MYO1H: variants seen among roughly 807,000 people sequenced by gnomAD.
The protein encoded by MYO1H is myosin IH.
Under a neutral mutation model 149.3 loss-of-function variants are expected in MYO1H, and 118 were observed. The ratio of observed to expected loss-of-function variants is 0.79; its 90% confidence interval spans 0.68 to 0.92. The LOEUF (loss-of-function observed/expected upper bound fraction) is 0.92. Ranked by LOEUF, MYO1H falls within the 40% of genes least tolerant of loss-of-function variation. The pLI is 0.00. For synonymous variants in MYO1H, 447 were observed against 465.2 expected (o/e 0.96, Z 0.50); for missense variants, 1,212 against 1,280.7 (o/e 0.95, Z 0.82).
chr12:109,409,586 A>G (rs1256801829), exon 11 of MYO1H: 11 of 1,613,682 alleles, frequency 6.8e-6, no homozygotes, highest in African/African-American at 1.3e-5. Flanking sequence ...TAATTGGATT[A>G]CTGGACATCT....
At chr12:109,448,147 A>C (rs915429216) in exon 32 of MYO1H, 2 of 152,244 alleles carry the variant, frequency 1.3e-5, no homozygotes, top group African/African-American at 4.8e-5. Flanking sequence ...TAATATGAGA[A>C]GTGCTTTGGT....
At chr12:109,326,881 C>T in the MYO1H span, among the ~76,000 whole-genome samples, 3 of 152,028 alleles carry the variant, frequency 2.0e-5, no homozygotes, top group Non-Finnish European at 4.4e-5. Flanking sequence ...ATGGGAGGCA[C>T]TATTGTGACC....
intron 31 of MYO1H, chr12:109,446,368 A>T: frequency 2.0e-6 from 2 of 985,448 alleles, no homozygotes; most frequent in Non-Finnish European, 2.4e-6. Context: ...TTTAAAATGT[A>T]TCTTGTATTA....
At chr12:109,322,425 A>G in the MYO1H span, among the ~76,000 whole-genome samples, 1 of 152,192 alleles carries the variant, frequency 6.6e-6, no homozygotes. Flanking sequence ...GTATTAATGC[A>G]TATTGATTTA....
At position 109,443,130 on chromosome 12, in the gene MYO1H, A is replaced by ATGTGTACG. The variant is rs1872270498; in HGVS notation, c.2689-383_2689-382insGTGTACGT. 1.9e-5 allele frequency among the ~76,000 whole-genome samples: 2 copies of ATGTGTACG among 106,842 alleles called. 1 individual carries two copies. The highest frequency in any genetic ancestry group is 3.7e-5 in the Non-Finnish European group (2 of 53,648). 70.1% of individuals were successfully genotyped at this position (106,842 alleles called of 152,430 possible). A position where few individuals can be genotyped will look rare whatever the true frequency, so the allele number is the denominator to read the frequency against. On this transcript the variant is annotated intron_variant, in intron 27 of 31. Transcript: ENST00000310903. ...TATATGTGTGTATATGTGTACGTAT[A>ATGTGTACG]TATGTGTGTATATGTGTACGTATGT...
intron 18 of MYO1H, 78 bp downstream of exon 18, chr12:109,426,129 C>A (rs571869119): frequency 2.8e-5 from 26 of 920,488 alleles, no homozygotes; most frequent in South Asian, 2.5e-4. Context: ...GGGTTGGGAT[C>A]CTAAACACCA....
the MYO1H span, among the ~76,000 whole-genome samples, chr12:109,328,280 C>T: frequency 1.6e-4 from 24 of 151,858 alleles, no homozygotes; most frequent in African/African-American, 5.8e-4. Context: ...GGTACATTCA[C>T]GATGTTGTGC....
rs551230607 is a variant in MYO1H at position 109,357,859 on chromosome 12, A to G, written c.12+9887A>G. Among the ~76,000 whole-genome samples the G allele has an allele frequency of 6.0e-5, 9 of 148,832 alleles. No individual in the cohort carries two copies. The South Asian group carries it at 8.7e-4, about 14-fold the overall frequency. ...TATTCTCTTGATTTTTTTTCTCCCA[A>G]CCATTTCTCATGCCATGAAATACTA... On this transcript the variant is annotated intron_variant, in intron 1 of 31. Coordinates refer to ENST00000310903, the Ensembl canonical transcript of MYO1H.
chr12:109,322,586 T>G, the MYO1H span, among the ~76,000 whole-genome samples: 1 of 152,036 alleles, frequency 6.6e-6, no homozygotes, highest in Admixed American at 6.6e-5. Context: ...TTTGGGAGGC[T>G]GAGGCAGGTG....
intron 3 of MYO1H, among the ~76,000 whole-genome samples, chr12:109,395,000 C>CG (rs1379505886): frequency 2.0e-5 from 3 of 152,124 alleles, no homozygotes; most frequent in African/African-American, 7.2e-5. Flanking sequence ...GGGGCTCAAG[C>CG]GATCTGCCTG....
intron 1 of MYO1H, chr12:109,353,944 C>A (rs1176188292): frequency 6.6e-6 from 1 of 152,284 alleles, no homozygotes; most frequent in East Asian, 1.9e-4. Context: ...CGTTAGCCAC[C>A]ACGCCTGGCC....
chr12:109,431,469 G>T (rs1313222963), intron 19 of MYO1H, among the ~76,000 whole-genome samples: 2 of 152,166 alleles, frequency 1.3e-5, no homozygotes, highest in Admixed American at 6.5e-5. Flanking sequence ...GTCTTGGACT[G>T]GGACTAAATA....
intron 1 of MYO1H, among the ~76,000 whole-genome samples, chr12:109,360,396 A>G (rs940274576): frequency 1.3e-5 from 2 of 152,172 alleles, no homozygotes; most frequent in African/African-American, 2.4e-5. Context: ...TTTGTTGCCA[A>G]TTAGGCGACC....
At chr12:109,362,096 T>C (rs1046400709) in intron 1 of MYO1H, among the ~76,000 whole-genome samples, 5 of 152,226 alleles carry the variant, frequency 3.3e-5, no homozygotes, top group Non-Finnish European at 5.9e-5. Context: ...AGATAGACAA[T>C]ATCATTTATT....
chr12:109,427,334 AAAAT>A, intron 18 of MYO1H, 131 bp from the exon 19 acceptor site: 2 of 538,894 alleles, frequency 3.7e-6, no homozygotes, highest in Non-Finnish European at 6.7e-6. Flanking sequence ...AAAAAAAAAA[AAAAT>A]TAAGACCTCA....
At position 109,390,007 on chromosome 12, in the gene MYO1H, C is replaced by T. The variant is rs190522750; in HGVS notation, c.174+1163C>T. Among the ~76,000 whole-genome samples, 23 of 152,206 alleles carry T rather than the reference C, an allele frequency of 1.5e-4. No individual in the cohort carries two copies. The East Asian group carries it at 3.5e-3, about 23-fold the overall frequency. On this transcript the variant is annotated intron_variant, in intron 2 of 31. Transcript: ENST00000310903. ...AGGAAAAGGAAAAAATAGCATGGTACAGAGAAGTACAAATGGCATGACAGG... is the reference window on the plus strand; with the variant it reads ...AGGAAAAGGAAAAAATAGCATGGTATAGAGAAGTACAAATGGCATGACAGG...
At chr12:109,364,400 C>T (rs1271603109) in intron 1 of MYO1H, among the ~76,000 whole-genome samples, 1 of 152,094 alleles carries the variant, frequency 6.6e-6, no homozygotes, top group Non-Finnish European at 1.5e-5. Flanking sequence ...GTGAACACTG[C>T]TCACTGCAGC....
At chr12:109,395,636 G>A (rs768132545) in intron 3 of MYO1H, among the ~76,000 whole-genome samples, 1 of 151,818 alleles carries the variant, frequency 6.6e-6, no homozygotes, top group Admixed American at 6.6e-5. Context: ...TCGGGAGACC[G>A]TGGCATGAGA....
intron 5 of MYO1H, among the ~76,000 whole-genome samples, chr12:109,399,961 A>G (rs1474743885): frequency 6.7e-6 from 1 of 150,370 alleles, no homozygotes; most frequent in Non-Finnish European, 1.5e-5. Flanking sequence ...TCCCCAACAC[A>G]CTCCCCCTTC....
Sources: allele counts gnomAD v4.1 joint callset (sites outside exome capture counted in the v4.1 genomes callset), GRCh38; gene constraint gnomAD v4.1.1; transcripts MANE v1.5; gene names NCBI Gene and HGNC (gene_info 2026-07-23, HGNC 2026-07-21).